The following DOK6 variants were observed in gnomAD, a reference collection of about 807,000 sequenced individuals.
DOK6 encodes downstream of tyrosine kinase 6.
In DOK6, 22 loss-of-function variants were observed where a neutral mutation model predicts 44.0. The observed-to-expected ratio is 0.50, with a 90% confidence interval of 0.36 to 0.71. The LOEUF is 0.71. Ranked by LOEUF, DOK6 falls within the 30% of genes least tolerant of loss-of-function variation. DOK6 has a pLI of 0.00. For synonymous variants in DOK6, 166 were observed against 145.5 expected, an observed-to-expected ratio of 1.14 and a Z score of -1.01; for missense variants, 340 against 416.4, an observed-to-expected ratio of 0.82 and a Z score of 1.60.
At chr18:69,513,088 T>C (rs867617136) in intron 1 of DOK6, among the ~76,000 whole-genome samples, 3 of 145,178 alleles carry the variant, frequency 2.1e-5, no homozygotes, top group Non-Finnish European at 4.6e-5. Context: ...TTATTTTTCA[T>C]TTTATATCTA....
chr18:69,678,430 T>C (rs554927294), intron 4 of DOK6, among the ~76,000 whole-genome samples: 10 of 152,328 alleles, frequency 6.6e-5, no homozygotes, highest in African/African-American at 2.4e-4. Context: ...TTTGAATGGC[T>C]AGCATCCCTC....
At chr18:69,677,221 C>T (rs1985941889) in intron 3 of DOK6, among the ~76,000 whole-genome samples, 1 of 151,824 alleles carries the variant, frequency 6.6e-6, no homozygotes, top group South Asian at 2.1e-4. Context: ...TTTAATCTAA[C>T]CTGACATTTT....
At chr18:69,555,434 A>T (rs976914806) in intron 1 of DOK6, among the ~76,000 whole-genome samples, 1 of 152,188 alleles carries the variant, frequency 6.6e-6, no homozygotes, top group African/African-American at 2.4e-5. Context: ...TCATATCAGG[A>T]AAAGGTCAAT....
intron 7 of DOK6, among the ~76,000 whole-genome samples, chr18:69,826,217 G>A (rs1229120460): frequency 6.6e-6 from 1 of 152,168 alleles, no homozygotes; most frequent in African/African-American, 2.4e-5. Context: ...TACTTGATAT[G>A]TGATTATATT....
intron 3 of DOK6, among the ~76,000 whole-genome samples, chr18:69,650,660 C>G (rs1985200548): frequency 6.6e-6 from 1 of 152,130 alleles, no homozygotes; most frequent in Admixed American, 6.5e-5. Context: ...TCAGTTATGC[C>G]AGAAGAATAA....
chr18:69,555,819 T>C (rs1234022988), intron 1 of DOK6, among the ~76,000 whole-genome samples: 1 of 152,246 alleles, frequency 6.6e-6, no homozygotes, highest in Non-Finnish European at 1.5e-5. Context: ...TTAATCAATT[T>C]GATAAATATT....
intron 3 of DOK6, chr18:69,661,247 T>C (rs887123842): frequency 7.9e-5 from 12 of 152,322 alleles, no homozygotes; most frequent in Middle Eastern, 3.4e-3. Flanking sequence ...GGTGTCTCTC[T>C]TTTCTCTGTG....
intron 5 of DOK6, among the ~76,000 whole-genome samples, chr18:69,737,999 C>T (rs945143868): frequency 1.3e-5 from 2 of 152,222 alleles, no homozygotes; most frequent in African/African-American, 4.8e-5. Context: ...TTTGTGAAAA[C>T]TCTTCATTTT....
At chr18:69,504,796 C>T (rs1459754960) in intron 1 of DOK6, among the ~76,000 whole-genome samples, 1 of 152,134 alleles carries the variant, frequency 6.6e-6, no homozygotes, top group East Asian at 1.9e-4. Flanking sequence ...ATCTTGTGAT[C>T]TAGGGCTTTT....
rs1301416928 is a variant in DOK6, at chr18:69,574,697, G to T, written c.174+10103G>T. Among the ~76,000 whole-genome samples the T allele has an allele frequency of 6.6e-5, 10 of 152,040 alleles. 1 individual carries two copies. The highest frequency in any genetic ancestry group is 6.6e-4 in the Admixed American group (10 of 15,238). Reference sequence around the variant, plus strand: ...AAAAATTGCATGGGGCAATAATTGGGTATAAATACCTTACTATGAGTTTAG... The same window carrying T: ...AAAAATTGCATGGGGCAATAATTGGTTATAAATACCTTACTATGAGTTTAG... On this transcript the variant is annotated intron_variant, in intron 2 of 7. Transcript: ENST00000382713.
intron 5 of DOK6, among the ~76,000 whole-genome samples, chr18:69,732,167 G>A (rs1307702533): frequency 6.6e-6 from 1 of 151,776 alleles, no homozygotes; most frequent in Non-Finnish European, 1.5e-5. Flanking sequence ...CATTTGCTTG[G>A]GTCAACATTT....
At chr18:69,699,469 G>T (rs1346358862) in intron 5 of DOK6, among the ~76,000 whole-genome samples, 2 of 151,844 alleles carry the variant, frequency 1.3e-5, no homozygotes, top group Non-Finnish European at 1.5e-5. Flanking sequence ...AAAATTTTAA[G>T]GAGGGAAAAA....
chr18:69,405,231 GT>G (rs1916180259), intron 1 of DOK6, among the ~76,000 whole-genome samples: 1 of 152,144 alleles, frequency 6.6e-6, no homozygotes, highest in Non-Finnish European at 1.5e-5. Flanking sequence ...AACACTGTGA[GT>G]TTTCCTTTCC....
chr18:69,637,956 A>G (rs1309775184), intron 3 of DOK6, among the ~76,000 whole-genome samples: 1 of 152,006 alleles, frequency 6.6e-6, no homozygotes, highest in Non-Finnish European at 1.5e-5. Flanking sequence ...GTCCTCAACT[A>G]TTTATTGATA....
rs548031851 is a variant in DOK6 at position 69,512,332 on chromosome 18, C to CT, written c.67-52130dup. ...ACCCCTTCGTCTTTGCTTTCTTCTT[C>CT]TTTTTTTTTTTTTTTTTTTTTTTTT... On this transcript the variant is annotated intron_variant, in intron 1 of 7. Coordinates refer to ENST00000382713, the MANE Select transcript of DOK6 (RefSeq NM_152721.6). Among the ~76,000 whole-genome samples the CT allele has an allele frequency of 6.4e-3, 588 of 91,668 alleles. 15 individuals carry two copies. The highest frequency in any genetic ancestry group is 0.024 in the East Asian group (65 of 2,762). 60.1% of individuals were successfully genotyped at this position (91,668 alleles called of 152,430 possible).
intron 7 of DOK6, among the ~76,000 whole-genome samples, chr18:69,785,163 C>T (rs1376806796): frequency 6.6e-6 from 1 of 152,154 alleles, no homozygotes; most frequent in Non-Finnish European, 1.5e-5. Flanking sequence ...GACAGCCCAA[C>T]ATCAGCAATG....
intron 2 of DOK6, among the ~76,000 whole-genome samples, chr18:69,583,775 C>G (rs1358104070): frequency 2.2e-5 from 3 of 139,146 alleles, no homozygotes; most frequent in South Asian, 4.5e-4. Flanking sequence ...AAAAAAAAAG[C>G]GTTATCTTAA....
intron 1 of DOK6, among the ~76,000 whole-genome samples, chr18:69,402,749 A>G (rs1916127214): frequency 6.6e-6 from 1 of 152,244 alleles, no homozygotes; most frequent in Non-Finnish European, 1.5e-5. Context: ...GCCTGGAGCC[A>G]ACGTGCGCTG....
Position 69,633,997 on chromosome 18 carries a change from GAC to G in DOK6, c.289+34500_289+34501del, listed in dbSNP as rs574254346. On this transcript the variant is annotated intron_variant, in intron 3 of 7. Coordinates refer to ENST00000382713, the MANE Select transcript of DOK6 (RefSeq NM_152721.6). ...TTATAAGAAAACATAAATGAAAAGA[GAC>G]TATTAATTTAGCAGTGACTTTGATC... Among the ~76,000 whole-genome samples the G allele has an allele frequency of 6.0e-3, 906 of 151,642 alleles. 4 individuals carry two copies. Among genetic ancestry groups the G allele is most frequent in the Non-Finnish European group, 9.7e-3 (657 of 67,912 alleles).
Sources: allele counts gnomAD v4.1 joint callset (sites outside exome capture counted in the v4.1 genomes callset), GRCh38; gene constraint gnomAD v4.1.1; transcripts MANE v1.5; gene names NCBI Gene and HGNC (gene_info 2026-07-23, HGNC 2026-07-21).